The following GPD1L variants were observed in gnomAD, a reference collection of about 807,000 sequenced individuals.
GPD1L encodes glycerol-3-phosphate dehydrogenase 1 like.
In GPD1L, 17 loss-of-function variants were observed where a neutral mutation model predicts 32.9. The observed-to-expected ratio is 0.52, with a 90% CI of 0.35 to 0.78. The LOEUF is 0.78. Among genes scored for constraint, GPD1L ranks in the 30% least tolerant of loss-of-function variants. GPD1L has a pLI of 0.01. For missense variants in GPD1L, 361 were observed against 447.8 expected, an observed-to-expected ratio of 0.81 and a Z score of 1.75; for synonymous variants, 187 against 165.9, an observed-to-expected ratio of 1.13 and a Z score of -0.98.
At chr3:32,165,430 G>A (rs1186597706) in intron 7 of GPD1L, among the ~76,000 whole-genome samples, 3 of 120,264 alleles carry the variant, frequency 2.5e-5, no homozygotes, top group African/African-American at 1.0e-4. Flanking sequence ...GGAGAGCAAT[G>A]CCTCCTTGCA....
chr3:32,110,446 A>G (rs996429267), intron 1 of GPD1L, among the ~76,000 whole-genome samples: 1 of 152,230 alleles, frequency 6.6e-6, no homozygotes, highest in Non-Finnish European at 1.5e-5. Flanking sequence ...TTGGAACTTT[A>G]GGGCAGCTTA....
intron 5 of GPD1L, among the ~76,000 whole-genome samples, chr3:32,154,373 A>G (rs1700959768): frequency 1.3e-5 from 2 of 152,230 alleles, no homozygotes; most frequent in Admixed American, 1.3e-4. Context: ...TTCTGAGTAC[A>G]GCAACATAGA....
In GPD1L at chr3:32,128,148, G is replaced by A. The variant is rs772353668; in HGVS notation, c.120G>A (p.Met40Ile). ...KLQKFASTVKMWVFEETVNGR... is the reference protein window; with the variant it reads ...KLQKFASTVKIWVFEETVNGR... ...AGAAATTTGCCTCCACAGTCAAGAT[G>A]TGGGTCTTTGAAGAAACAGTGAATG... Residue 40 changes from methionine to isoleucine, a missense_variant, in exon 2 of 8, where the codon ATG becomes ATA. Met to Ile is a conservative substitution (Grantham distance 10, BLOSUM62 1). Transcript: ENST00000282541. 13 of 1,611,938 alleles carry A rather than the reference G, an allele frequency of 8.1e-6. No individual in the cohort carries two copies. Among genetic ancestry groups the A allele is most frequent in the South Asian group, 7.7e-5 (7 of 91,024 alleles).
At chr3:32,152,561 G>A (rs540516864) in intron 5 of GPD1L, among the ~76,000 whole-genome samples, 3 of 152,162 alleles carry the variant, frequency 2.0e-5, no homozygotes, top group African/African-American at 7.2e-5. Flanking sequence ...AATGGAAGAG[G>A]CAAACAGAGA....
chr3:32,130,574 G>A (rs1001769950), intron 2 of GPD1L, among the ~76,000 whole-genome samples: 3 of 152,178 alleles, frequency 2.0e-5, no homozygotes, highest in Admixed American at 6.5e-5. Flanking sequence ...CCACATAGGA[G>A]CCTTCTGTTA....
chr3:32,129,365 C>G (rs948091210), intron 2 of GPD1L, among the ~76,000 whole-genome samples: 7 of 152,188 alleles, frequency 4.6e-5, no homozygotes, highest in Admixed American at 4.6e-4. Flanking sequence ...GGAGACCGAT[C>G]TCTAAATCAA....
At chr3:32,114,388 G>C (rs1559568073) in intron 1 of GPD1L, among the ~76,000 whole-genome samples, 1 of 152,240 alleles carries the variant, frequency 6.6e-6, no homozygotes, top group Non-Finnish European at 1.5e-5. Flanking sequence ...TCTAGTCCAT[G>C]TGTTCAGAAG....
At chr3:32,165,724 C>T in intron 7 of GPD1L, 90 bp from the exon 8 acceptor site, 1 of 750,630 alleles carries the variant, frequency 1.3e-6, no homozygotes, top group Non-Finnish European at 2.5e-6. Flanking sequence ...CACATACTAA[C>T]CTGCAATCTG....
At chr3:32,162,917 C>A (rs953354397) in intron 7 of GPD1L, among the ~76,000 whole-genome samples, 1 of 152,060 alleles carries the variant, frequency 6.6e-6, no homozygotes, top group Admixed American at 6.5e-5. Context: ...TGCCCCTATA[C>A]CCAGCTAATT....
chr3:32,165,709 A>G lies in GPD1L; in HGVS notation c.960-105A>G, dbSNP rs1020176643. The G allele has an allele frequency of 8.2e-6, 6 of 728,834 alleles. No individual in the cohort carries two copies. The East Asian group carries it at 1.3e-4, about 16-fold the overall frequency. 45.1% of individuals were successfully genotyped at this position (728,834 alleles called of 1,614,324 possible). The stretch of plus-strand genomic sequence containing the variant: ...GTAGAAAGTGCTCACTGTGTTTTCC[A>G]TAGTCACATACTAACCTGCAATCTG... On this transcript the variant is annotated intron_variant, in intron 7 of 7. Transcript: ENST00000282541.
intron 1 of GPD1L, among the ~76,000 whole-genome samples, chr3:32,111,649 G>A (rs1284332610): frequency 6.6e-6 from 1 of 152,162 alleles, no homozygotes; most frequent in African/African-American, 2.4e-5. Context: ...GACAGGAGAT[G>A]AGGAGAGAGG....
chr3:32,159,932 T>G (rs1559583480), intron 7 of GPD1L, among the ~76,000 whole-genome samples: 1 of 152,168 alleles, frequency 6.6e-6, no homozygotes, highest in Admixed American at 6.5e-5. Context: ...AATACAAAAT[T>G]TAAGATTCTA....
chr3:32,122,849 T>C (rs1216192513), intron 1 of GPD1L, among the ~76,000 whole-genome samples: 1 of 152,238 alleles, frequency 6.6e-6, no homozygotes, highest in Non-Finnish European at 1.5e-5. Context: ...TTTGGCTCTA[T>C]CTGCTTCATA....
intron 1 of GPD1L, among the ~76,000 whole-genome samples, chr3:32,109,282 G>A (rs1700213981): frequency 6.6e-6 from 1 of 152,188 alleles, no homozygotes. Flanking sequence ...TTCCACAGAT[G>A]ACAGCCCCTT....
chr3:32,135,966 G>A (rs74775325), intron 2 of GPD1L, among the ~76,000 whole-genome samples: 4,483 of 152,252 alleles, frequency 0.029, 312 homozygotes, highest in East Asian at 0.25. Context: ...GCCACTAACG[G>A]TGGAGAAGTG....
At chr3:32,142,375 C>T (rs1301562083) in intron 4 of GPD1L, among the ~76,000 whole-genome samples, 1 of 152,142 alleles carries the variant, frequency 6.6e-6, no homozygotes, top group Non-Finnish European at 1.5e-5. Flanking sequence ...CCTCAACCTC[C>T]CAAAGTGCTG....
rs983865740 is a variant in GPD1L at position 32,146,563 on chromosome 3, G to T, written c.506-59G>T. ...AGAAACTTATTTTAAAGTGTATTAG[G>T]TGTGAAAATTAAGATTAGAGGCTGT... On this transcript the variant is annotated intron_variant, in intron 4 of 7. Transcript: ENST00000282541. 11 of 885,610 alleles carry T rather than the reference G, an allele frequency of 1.2e-5. No individual in the cohort carries two copies. The African/African-American group carries it at 1.6e-4, about 13-fold the overall frequency. The allele number at this position is 885,610 out of a possible 1,614,324, so 54.9% of individuals were successfully genotyped here.
intron 7 of GPD1L, among the ~76,000 whole-genome samples, chr3:32,162,090 A>G (rs991199277): frequency 9.9e-5 from 15 of 152,200 alleles, no homozygotes; most frequent in Admixed American, 9.8e-4. Flanking sequence ...CCTGTGGCTT[A>G]TTAGCCCTGT....
At chr3:32,124,776 A>G (rs1157017329) in intron 1 of GPD1L, among the ~76,000 whole-genome samples, 1 of 152,062 alleles carries the variant, frequency 6.6e-6, no homozygotes, top group Non-Finnish European at 1.5e-5. Flanking sequence ...AACTTTTTAA[A>G]AAATTAGCTG....
Sources: allele counts gnomAD v4.1 joint callset (sites outside exome capture counted in the v4.1 genomes callset), GRCh38; gene constraint gnomAD v4.1.1; transcripts MANE v1.5; gene names NCBI Gene and HGNC (gene_info 2026-07-23, HGNC 2026-07-21).